The following RPGRIP1L variants were observed in gnomAD, a reference collection of about 807,000 sequenced individuals.
RPGRIP1L encodes the protein RPGRIP1 like.
In RPGRIP1L, 131 loss-of-function variants were observed where a neutral mutation model predicts 160.4. The observed-to-expected ratio is 0.82, with a 90% CI of 0.71 to 0.94. RPGRIP1L has a LOEUF of 0.94. RPGRIP1L is among the 40% of genes least tolerant of loss of function. The pLI, the probability that RPGRIP1L is intolerant of heterozygous loss-of-function variation, is 0.00. For synonymous variants in RPGRIP1L, 510 were observed against 515.8 expected, an observed-to-expected ratio of 0.99 and a Z score of 0.15; for missense variants, 1,522 against 1,535.8, an observed-to-expected ratio of 0.99 and a Z score of 0.15.
chr16:53,628,360 G>A (rs902276922), intron 22 of RPGRIP1L: 2 of 152,084 alleles, frequency 1.3e-5, no homozygotes, highest in Non-Finnish European at 2.9e-5. Context: ...AGAGCCATAT[G>A]TAAGTAGGGT....
At chr16:53,632,731 T>G (rs1965598697) in intron 22 of RPGRIP1L, among the ~76,000 whole-genome samples, 1 of 152,194 alleles carries the variant, frequency 6.6e-6, no homozygotes. Context: ...AGCCATGCAC[T>G]ACGTTCTCTC....
intron 10 of RPGRIP1L, among the ~76,000 whole-genome samples, chr16:53,661,296 CAA>C (rs77367756): frequency 2.8e-4 from 24 of 85,684 alleles, no homozygotes; most frequent in African/African-American, 2.8e-4. Flanking sequence ...CACTCCATTT[CAA>C]AAAAAAAAAA....
intron 10 of RPGRIP1L, among the ~76,000 whole-genome samples, chr16:53,664,207 A>G (rs1213737321): frequency 1.3e-5 from 2 of 152,234 alleles, no homozygotes; most frequent in Admixed American, 6.5e-5. Context: ...TTCTTTAATT[A>G]TAATTCTTTT....
chr16:53,635,199 C>T (rs1965761773), intron 22 of RPGRIP1L, among the ~76,000 whole-genome samples: 1 of 152,108 alleles, frequency 6.6e-6, no homozygotes. Flanking sequence ...GTTTATTCTA[C>T]CTTAGTTAAG....
intron 2 of RPGRIP1L, 90 bp downstream of exon 2, chr16:53,700,549 G>T: frequency 1.0e-6 from 1 of 991,910 alleles, no homozygotes; most frequent in Non-Finnish European, 1.6e-6. Context: ...TACTTAAATG[G>T]TTTGGTTTGT....
chr16:53,657,407 GAAT>G (rs774640947), intron 13 of RPGRIP1L, 43 bp downstream of exon 13: 6 of 1,284,104 alleles, frequency 4.7e-6, no homozygotes, highest in Middle Eastern at 2.4e-4. Context: ...TAAATCATCA[GAAT>G]ATTATAGAAA....
At chr16:53,639,414 AT>A (rs1966063330) in intron 19 of RPGRIP1L, among the ~76,000 whole-genome samples, 1 of 152,012 alleles carries the variant, frequency 6.6e-6, no homozygotes, top group Admixed American at 6.6e-5. Context: ...TAACATAAAT[AT>A]TTTCTCCTGA....
chr16:53,673,221 AG>A (rs1340847506), intron 7 of RPGRIP1L, among the ~76,000 whole-genome samples: 3 of 152,212 alleles, frequency 2.0e-5, no homozygotes, highest in African/African-American at 7.2e-5. Flanking sequence ...GACATGAGGA[AG>A]AAAATACAGG....
intron 21 of RPGRIP1L, among the ~76,000 whole-genome samples, chr16:53,637,463 G>C (rs1174210154): frequency 6.6e-6 from 1 of 152,172 alleles, no homozygotes; most frequent in Non-Finnish European, 1.5e-5. Flanking sequence ...AACATGGTCA[G>C]CAATAACACT....
At chr16:53,654,030 C>A (rs1353199378) in intron 14 of RPGRIP1L, among the ~76,000 whole-genome samples, 12 of 152,158 alleles carry the variant, frequency 7.9e-5, no homozygotes. Context: ...GTGGCGGAAT[C>A]TCGGCTCACT....
chr16:53,605,380 T>C (rs760045916), intron 26 of RPGRIP1L, 101 bp downstream of exon 26: 4 of 1,335,142 alleles, frequency 3.0e-6, no homozygotes, highest in African/African-American at 1.4e-5. Context: ...AAGTAACGTG[T>C]GACTCAGCAC....
In RPGRIP1L at chr16:53,687,952, T is replaced by C. The variant is rs1265956804; in HGVS notation, c.543A>G (p.Gln181=). 5 of 1,603,502 alleles carry C rather than the reference T, an allele frequency of 3.1e-6. No homozygotes were observed. In the African/African-American group the frequency reaches 6.7e-5, roughly 21 times the overall value. The change falls in exon 5 of 27, where the codon CAA becomes CAG. Residue 181 remains glutamine (Q), a synonymous_variant. Transcript: ENST00000647211. ...QECPRKGIKF[Q]DADVAETPHP... Reference sequence around the variant, plus strand: ...GTGGAGTTTCTGCTACATCTGCATCTTGGAATTTTATACCTAAAAACAAAG... The same window carrying C: ...GTGGAGTTTCTGCTACATCTGCATCCTGGAATTTTATACCTAAAAACAAAG...
At position 53,619,144 on chromosome 16, in the gene RPGRIP1L, T is replaced by A. The variant is rs202068222; in HGVS notation, c.3497A>T (p.Asp1166Val). ...AACAAACAGCCGTTGGATAGTGTCATCCATGGTTACTTGAGAATCATTAAG... is the reference window on the plus strand; with the variant it reads ...AACAAACAGCCGTTGGATAGTGTCAACCATGGTTACTTGAGAATCATTAAG... The part of the protein sequence containing the change: ...LSLNDSQVTM[D>V]DTIQRLFVEC... Residue 1166 changes from aspartate (D) to valine (V), a missense_variant, in exon 24 of 27, where the codon GAT (aspartate) becomes GTT (valine). Transcript: ENST00000647211. 6.2e-7 allele frequency: 1 copy of A among 1,614,022 alleles called. No homozygotes were observed. Among genetic ancestry groups the A allele is most frequent in the Non-Finnish European group, 8.5e-7 (1 of 1,179,982 alleles).
chr16:53,700,028 C>T (rs942778693), intron 2 of RPGRIP1L, among the ~76,000 whole-genome samples: 3 of 151,914 alleles, frequency 2.0e-5, no homozygotes, highest in South Asian at 2.1e-4. Context: ...TGTTGATAAT[C>T]GATACATGCA....
In RPGRIP1L at chr16:53,598,290, C is replaced by T. The variant is rs1340922696; in HGVS notation, c.*3786G>A. 6.6e-6 allele frequency: 1 copy of T among 152,142 alleles called. No homozygotes were observed. The highest frequency in any genetic ancestry group is 1.9e-4 in the East Asian group (1 of 5,186). 9.4% of individuals were successfully genotyped at this position (152,142 alleles called of 1,614,324 possible). Reference sequence around the variant, plus strand: ...GGCAAAAAGCAGAAAAGTCAAACAGCATCTACCTCAGAAAACAGGTCATGA... The same window carrying T: ...GGCAAAAAGCAGAAAAGTCAAACAGTATCTACCTCAGAAAACAGGTCATGA... On this transcript the variant is annotated 3_prime_UTR_variant, in exon 27 of 27. Coordinates refer to ENST00000647211, the MANE Select transcript of RPGRIP1L (RefSeq NM_015272.5).
At chr16:53,694,445 A>T (rs1313222857) in intron 3 of RPGRIP1L, 1 of 151,774 alleles carries the variant, frequency 6.6e-6, no homozygotes, top group African/African-American at 2.4e-5. Context: ...AAAAAAAAAA[A>T]AAAAAAATTA....
intron 10 of RPGRIP1L, 105 bp from the exon 11 acceptor site, chr16:53,658,983 T>C: frequency 1.2e-6 from 1 of 830,746 alleles, no homozygotes; most frequent in Non-Finnish European, 2.0e-6. Context: ...TGATCTAGTA[T>C]TGTTCTGGTC....
intron 23 of RPGRIP1L, among the ~76,000 whole-genome samples, chr16:53,621,748 C>A (rs1282409850): frequency 6.6e-6 from 1 of 152,072 alleles, no homozygotes; most frequent in African/African-American, 2.4e-5. Context: ...CTAGGCCGGG[C>A]GCAGTGGCTC....
intron 24 of RPGRIP1L, among the ~76,000 whole-genome samples, chr16:53,614,703 A>G (rs1398872545): frequency 6.6e-6 from 1 of 152,214 alleles, no homozygotes; most frequent in Non-Finnish European, 1.5e-5. Context: ...CTTGAAATAC[A>G]TCCTATAAAA....
Sources: allele counts gnomAD v4.1 joint callset (sites outside exome capture counted in the v4.1 genomes callset), GRCh38; gene constraint gnomAD v4.1.1; transcripts MANE v1.5; gene names NCBI Gene and HGNC (gene_info 2026-07-23, HGNC 2026-07-21).